The following MAP4K5 variants were observed in gnomAD, a reference collection of about 807,000 sequenced individuals.
MAP4K5 encodes the protein MAPK/ERK kinase kinase kinase 5.
In MAP4K5, 82 loss-of-function variants were observed where a neutral mutation model predicts 135.6. The observed-to-expected ratio is 0.60, with a 90% CI of 0.51 to 0.73. MAP4K5 has a LOEUF of 0.73. Among genes scored for constraint, MAP4K5 ranks in the 30% least tolerant of loss-of-function variants. The probability of loss-of-function intolerance (pLI) is 0.00; values close to 1 mark genes in which losing one functional copy is unlikely to be tolerated. For synonymous variants in MAP4K5, 347 were observed against 335.0 expected, an observed-to-expected ratio of 1.04 and a Z score of -0.39; for missense variants, 907 against 1,010.9, an observed-to-expected ratio of 0.90 and a Z score of 1.39.
intron 1 of MAP4K5, among the ~76,000 whole-genome samples, chr14:50,545,129 A>G (rs1053120708): frequency 9.2e-5 from 14 of 152,126 alleles, no homozygotes; most frequent in African/African-American, 3.4e-4. Context: ...ACCTACTAAG[A>G]AAAACAGTCT....
chr14:50,559,561 A>C (rs1446515405), intron 1 of MAP4K5: 1 of 152,260 alleles, frequency 6.6e-6, no homozygotes, highest in African/African-American at 2.4e-5. Flanking sequence ...TATCTTTGCA[A>C]ATCTAGTGGG....
chr14:50,483,645 C>T (rs767500245), intron 5 of MAP4K5, among the ~76,000 whole-genome samples: 109 of 144,534 alleles, frequency 7.5e-4, no homozygotes, highest in Non-Finnish European at 1.2e-3. Context: ...CAACAAATAT[C>T]AGGTTTAATA....
At chr14:50,429,968 TAAGAA>T (rs989407842) in intron 28 of MAP4K5, among the ~76,000 whole-genome samples, 1 of 152,196 alleles carries the variant, frequency 6.6e-6, no homozygotes, top group Non-Finnish European at 1.5e-5. Flanking sequence ...TAGCTGAATC[TAAGAA>T]AAGATTTTAG....
At chr14:50,541,914 G>A (rs961604264) in intron 2 of MAP4K5, among the ~76,000 whole-genome samples, 11 of 147,922 alleles carry the variant, frequency 7.4e-5, no homozygotes, top group African/African-American at 2.8e-4. Flanking sequence ...AGCTGAGGCA[G>A]GAGAATGGCA....
chr14:50,542,072 G>C (rs935653640), intron 2 of MAP4K5, among the ~76,000 whole-genome samples: 5 of 131,876 alleles, frequency 3.8e-5, no homozygotes, highest in African/African-American at 1.4e-4. Flanking sequence ...TCTGCTGACA[G>C]CTATTGTCTG....
rs981389689 is a variant in MAP4K5 at position 50,510,431 on chromosome 14, G to A, written c.109-5574C>T. On this transcript the variant is annotated intron_variant, in intron 2 of 32. Coordinates refer to ENST00000682126, the MANE Select transcript of MAP4K5 (RefSeq NM_006575.6). ...CCAGGAAGTCTCCCTGGTATCCTAA[G>A]GCTGGATTAAGTGTGTTGTCATCTT... Among the ~76,000 whole-genome samples, 27 of 152,116 alleles carry A rather than the reference G, an allele frequency of 1.8e-4. 1 individual carries two copies. The highest frequency in any genetic ancestry group is 1.8e-3 in the Admixed American group (27 of 15,274).
chr14:50,491,720 G>C (rs10136387), intron 3 of MAP4K5, among the ~76,000 whole-genome samples: 22,722 of 143,532 alleles, frequency 0.16, 3,012 homozygotes, highest in African/African-American at 0.38. Context: ...GGGTTTCACT[G>C]TATTGCCCAG....
chr14:50,554,807 G>A (rs988535781), intron 1 of MAP4K5, among the ~76,000 whole-genome samples: 28 of 152,092 alleles, frequency 1.8e-4, no homozygotes, highest in Non-Finnish European at 3.8e-4. Context: ...TCATCCACTC[G>A]CTGGGCTGGA....
At chr14:50,493,191 C>T (rs1043134637) in intron 3 of MAP4K5, among the ~76,000 whole-genome samples, 3 of 152,138 alleles carry the variant, frequency 2.0e-5, no homozygotes, top group African/African-American at 7.2e-5. Flanking sequence ...CCTCAAACTC[C>T]TGGGCTCAAG....
At chr14:50,518,049 C>T (rs934468562) in intron 2 of MAP4K5, among the ~76,000 whole-genome samples, 1 of 152,086 alleles carries the variant, frequency 6.6e-6, no homozygotes, top group Admixed American at 6.5e-5. Flanking sequence ...AATATCTGTA[C>T]CTGCCCTGAG....
intron 14 of MAP4K5, among the ~76,000 whole-genome samples, chr14:50,451,226 C>A (rs998227825): frequency 6.6e-6 from 1 of 151,494 alleles, no homozygotes; most frequent in Non-Finnish European, 1.5e-5. Context: ...CTTCAAGTCA[C>A]GGCAACAGAA....
At chr14:50,543,429 G>A (rs1566706362) in intron 1 of MAP4K5, among the ~76,000 whole-genome samples, 1 of 152,192 alleles carries the variant, frequency 6.6e-6, no homozygotes, top group Non-Finnish European at 1.5e-5. Context: ...TCCCTGCTTG[G>A]AAAGCTTCTA....
At chr14:50,514,274 G>C (rs1360531228) in intron 2 of MAP4K5, among the ~76,000 whole-genome samples, 1 of 151,700 alleles carries the variant, frequency 6.6e-6, no homozygotes, top group Non-Finnish European at 1.5e-5. Flanking sequence ...GTAGAGAGAG[G>C]GTATCACCAC....
At chr14:50,525,370 G>C (rs1362715036) in intron 2 of MAP4K5, among the ~76,000 whole-genome samples, 1 of 152,102 alleles carries the variant, frequency 6.6e-6, no homozygotes, top group Non-Finnish European at 1.5e-5. Flanking sequence ...AGGTGTTTTT[G>C]ATCATCTTCT....
chr14:50,560,163 G>A, intron 1 of MAP4K5: 1 of 1,408,118 alleles, frequency 7.1e-7, no homozygotes. Flanking sequence ...AGCGAACTGC[G>A]CCCAGCGCGG....
intron 5 of MAP4K5, among the ~76,000 whole-genome samples, chr14:50,485,272 C>A (rs2037339845): frequency 6.6e-6 from 1 of 152,074 alleles, no homozygotes. Context: ...TTACCCCTTG[C>A]ATTTCAATTT....
In MAP4K5 at chr14:50,430,344, T is replaced by C. The variant is rs1175038026; in HGVS notation, c.2165-1084A>G. ...GGTGACCACTAATTTTAAAGAAAAATTGCTAATTGGCCACTGTGATTTCTA... is the reference window on the plus strand; with the variant it reads ...GGTGACCACTAATTTTAAAGAAAAACTGCTAATTGGCCACTGTGATTTCTA... On this transcript the variant is annotated intron_variant, in intron 28 of 32. Transcript: ENST00000682126. Among the ~76,000 whole-genome samples the C allele has an allele frequency of 5.3e-5, 8 of 152,186 alleles. No homozygotes were observed. In the East Asian group the frequency reaches 9.6e-4, roughly 18 times the overall value.
At chr14:50,552,944 G>C (rs1336179669) in intron 1 of MAP4K5, among the ~76,000 whole-genome samples, 1 of 151,984 alleles carries the variant, frequency 6.6e-6, no homozygotes, top group African/African-American at 2.4e-5. Context: ...TATAGACATG[G>C]GCTTAGGCAA....
At chr14:50,504,352 A>G (rs2037766275) in intron 3 of MAP4K5, among the ~76,000 whole-genome samples, 1 of 152,120 alleles carries the variant, frequency 6.6e-6, no homozygotes, top group African/African-American at 2.4e-5. Context: ...GTGTTTTGAA[A>G]CAAGCAGTCT....
Sources: gnomAD v4.1 joint callset for allele counts (sites outside exome capture counted in the v4.1 genomes callset) on GRCh38, gnomAD v4.1.1 for gene constraint, MANE v1.5 for transcripts, NCBI Gene and HGNC (gene_info 2026-07-23, HGNC 2026-07-21) for gene names.